Variants in PCDH15 observed in about 807,000 individuals in gnomAD.
PCDH15 encodes protocadherin related 15, also known as protocadherin-15.
In PCDH15, 129 loss-of-function variants were observed where a neutral mutation model predicts 178.5. The observed-to-expected ratio is 0.72, with a 90% confidence interval of 0.63 to 0.84. PCDH15 has a LOEUF of 0.84. Ranked by LOEUF, PCDH15 falls within the 40% of genes least tolerant of loss-of-function variation. PCDH15 has a pLI of 0.00. For synonymous variants in PCDH15, 800 were observed against 732.0 expected (o/e 1.09, Z -1.50); for missense variants, 2,230 against 2,099.9 (o/e 1.06, Z -1.21).
chr10:55,111,792 G>A (rs986732481), intron 2 of PCDH15, among the ~76,000 whole-genome samples: 6 of 152,134 alleles, frequency 3.9e-5, no homozygotes, highest in African/African-American at 7.2e-5. Flanking sequence ...GCAGTGAGCC[G>A]AGATCATGCC....
chr10:54,076,903 T>C (rs117531541), intron 17 of PCDH15, among the ~76,000 whole-genome samples: 1,774 of 152,246 alleles, frequency 0.012, 9 homozygotes, highest in Non-Finnish European at 0.019. Flanking sequence ...TCCATCCATC[T>C]GTCTGTGTTT....
intron 2 of PCDH15, among the ~76,000 whole-genome samples, chr10:55,410,250 A>G (rs1046979686): frequency 3.3e-5 from 5 of 152,114 alleles, no homozygotes; most frequent in Non-Finnish European, 7.4e-5. Flanking sequence ...TCTTGATCAT[A>G]TTTGAACACT....
At chr10:55,245,759 C>T (rs1841664574) in intron 1 of PCDH15, among the ~76,000 whole-genome samples, 1 of 152,144 alleles carries the variant, frequency 6.6e-6, no homozygotes, top group Non-Finnish European at 1.5e-5. Flanking sequence ...AGATCTAATG[C>T]CTGGCCCCAT....
intron 2 of PCDH15, among the ~76,000 whole-genome samples, chr10:54,539,990 G>A (rs1336777013): frequency 6.6e-6 from 1 of 152,138 alleles, no homozygotes; most frequent in Non-Finnish European, 1.5e-5. Flanking sequence ...TCTCTGGGAT[G>A]TGGGAAGAGA....
At chr10:54,941,768 T>A (rs1407708482) in intron 2 of PCDH15, among the ~76,000 whole-genome samples, 5 of 152,136 alleles carry the variant, frequency 3.3e-5, no homozygotes, top group Non-Finnish European at 7.4e-5. Flanking sequence ...TGTTCTTGTT[T>A]ATAGTTTTTA....
In PCDH15 at chr10:54,087,313, C is replaced by T. The variant is rs191296193; in HGVS notation, c.1997+2671G>A. Among the ~76,000 whole-genome samples the T allele has an allele frequency of 4.6e-3, 693 of 152,256 alleles. 6 individuals carry two copies. Among genetic ancestry groups the T allele is most frequent in the Non-Finnish European group, 7.4e-3 (502 of 68,012 alleles). On this transcript the variant is annotated intron_variant, in intron 16 of 37. Coordinates refer to ENST00000644397, the MANE Select transcript of PCDH15 (RefSeq NM_001384140.1). Reference sequence around the variant, plus strand: ...AACAGTCACTCCCCATTCTCTCCCACTCCTCATTTTCAGGCAATCATTGAT... The same window carrying T: ...AACAGTCACTCCCCATTCTCTCCCATTCCTCATTTTCAGGCAATCATTGAT...
At chr10:55,571,069 G>C (rs1398184707) in intron 2 of PCDH15, among the ~76,000 whole-genome samples, 1 of 152,056 alleles carries the variant, frequency 6.6e-6, no homozygotes, top group Non-Finnish European at 1.5e-5. Context: ...GTCCTGTTGG[G>C]AGGTGTTTGG....
At chr10:54,592,532 A>T (rs2091951616) in intron 2 of PCDH15, among the ~76,000 whole-genome samples, 1 of 152,180 alleles carries the variant, frequency 6.6e-6, no homozygotes, top group Admixed American at 6.6e-5. Context: ...AATGTTGTAC[A>T]TTAGATATAC....
chr10:55,386,402 C>T (rs1229779460), intron 2 of PCDH15, among the ~76,000 whole-genome samples: 1 of 149,966 alleles, frequency 6.7e-6, no homozygotes, highest in Non-Finnish European at 1.5e-5. Context: ...AAATGTGATA[C>T]TGGTCTGAGA....
In PCDH15 at chr10:55,124,881, A is replaced by G. The variant is rs150849112; in HGVS notation, c.-80+41695T>C. 1.2e-3 allele frequency among the ~76,000 whole-genome samples: 177 copies of G among 152,224 alleles called. 1 individual carries two copies. The highest frequency in any genetic ancestry group is 3.6e-3 in the African/African-American group (151 of 41,558). On this transcript the variant is annotated intron_variant, in intron 2 of 5. Coordinates refer to the PCDH15 transcript ENST00000458638. ...TAGAGAGGTTGTGTCATCAAAGATC[A>G]TATGACACAATAGAGGTAGAGTTCC... is the stretch of plus-strand genomic sequence containing the variant.
At chr10:55,077,398 T>TCGTCCTTC (rs1803286801) in intron 2 of PCDH15, among the ~76,000 whole-genome samples, 1 of 137,530 alleles carries the variant, frequency 7.3e-6, no homozygotes, top group African/African-American at 2.9e-5. Flanking sequence ...TGGTTTTCTC[T>TCGTCCTTC]CTTCCTTCCT....
chr10:55,151,866 GAGA>G (rs1002664231), intron 2 of PCDH15, among the ~76,000 whole-genome samples: 56 of 152,118 alleles, frequency 3.7e-4, no homozygotes, highest in African/African-American at 1.3e-3. Context: ...GTAAATAGAT[GAGA>G]AGAATACCAG....
intron 2 of PCDH15, among the ~76,000 whole-genome samples, chr10:55,391,851 G>C (rs1837801751): frequency 6.6e-6 from 1 of 152,118 alleles, no homozygotes; most frequent in South Asian, 2.1e-4. Flanking sequence ...CTAACTGTTT[G>C]GCCTAAGAGG....
chr10:54,655,315 A>G (rs1427509579), intron 2 of PCDH15, among the ~76,000 whole-genome samples: 1 of 119,384 alleles, frequency 8.4e-6, no homozygotes, highest in Non-Finnish European at 1.8e-5. Flanking sequence ...AGAGAGAGAG[A>G]CAGAGAAAGA....
intron 1 of PCDH15, among the ~76,000 whole-genome samples, chr10:55,281,505 A>G (rs1475474906): frequency 6.7e-6 from 1 of 150,060 alleles, no homozygotes; most frequent in African/African-American, 2.5e-5. Context: ...GTCACTGGCT[A>G]TTTCTATTCA....
At chr10:55,239,246 T>A (rs1319674313) in intron 1 of PCDH15, among the ~76,000 whole-genome samples, 2 of 152,160 alleles carry the variant, frequency 1.3e-5, no homozygotes, top group East Asian at 3.9e-4. Flanking sequence ...CGTACAACAT[T>A]TTCTTTATCT....
chr10:55,520,299 GTA>G lies in PCDH15; in HGVS notation c.-156+107324_-156+107325del, dbSNP rs750692237. ...GTGTATATATATATACACGCAATAT[GTA>G]TATATATATATATACATGCAATGTG... On this transcript the variant is annotated intron_variant, in intron 2 of 5. Transcript: ENST00000613346. Among the ~76,000 whole-genome samples, 191 of 71,514 alleles carry G rather than the reference GTA, an allele frequency of 2.7e-3. 24 individuals are homozygous for G. The highest frequency in any genetic ancestry group is 8.8e-3 in the Middle Eastern group (1 of 114). 46.9% of individuals were successfully genotyped at this position (71,514 alleles called of 152,430 possible). A position where few individuals can be genotyped will look rare whatever the true frequency, so the allele number is the denominator to read the frequency against.
In PCDH15 at chr10:55,261,640, T is replaced by C. The variant is rs572379560; in HGVS notation, c.-156+57959A>G. On this transcript the variant is annotated intron_variant, in intron 1 of 5. Coordinates refer to the PCDH15 transcript ENST00000458638. ...GAAATGGGTCAAGAATAACCCATTT[T>C]GATCTCCCGAGAATCATTCTTGGAA... 2.9e-3 allele frequency among the ~76,000 whole-genome samples: 448 copies of C among 152,284 alleles called. 3 individuals are homozygous for C. The highest frequency in any genetic ancestry group is 9.0e-3 in the African/African-American group (373 of 41,566).
At chr10:55,165,188 A>G (rs1359599741) in intron 2 of PCDH15, among the ~76,000 whole-genome samples, 1 of 152,084 alleles carries the variant, frequency 6.6e-6, no homozygotes, top group East Asian at 1.9e-4. Context: ...GATTTTGTAT[A>G]CTCAACAAAC....
Sources: gnomAD v4.1 joint callset for allele counts (sites outside exome capture counted in the v4.1 genomes callset) on GRCh38, gnomAD v4.1.1 for gene constraint, MANE v1.5 for transcripts, NCBI Gene and HGNC (gene_info 2026-07-23, HGNC 2026-07-21) for gene names.